The following ACSM2B variants were observed in gnomAD, a reference collection of about 807,000 sequenced individuals.
ACSM2B encodes the protein acyl-coenzyme A synthetase ACSM2B, mitochondrial.
Under a neutral mutation model 78.6 loss-of-function variants are expected in ACSM2B, and 58 were observed. The ratio of observed to expected loss-of-function variants is 0.74; its 90% CI spans 0.60 to 0.92. ACSM2B has a LOEUF of 0.92. Ranked by LOEUF, ACSM2B falls within the 40% of genes least tolerant of loss-of-function variation. The probability of loss-of-function intolerance (pLI) is 0.00; values close to 1 mark genes in which losing one functional copy is unlikely to be tolerated. For synonymous variants in ACSM2B, 257 were observed against 256.8 expected (o/e 1.00, Z -0.01); for missense variants, 688 against 711.2 (o/e 0.97, Z 0.37).
At chr16:20,549,882 G>T (rs1449462349) in intron 6 of ACSM2B, 4 of 408,486 alleles carry the variant, frequency 9.8e-6, no homozygotes, top group East Asian at 7.6e-5. Flanking sequence ...TAAAGACCTG[G>T]GATCAATAGA....
At chr16:20,563,023 A>T (rs1362325850) in intron 2 of ACSM2B, among the ~76,000 whole-genome samples, 3 of 152,092 alleles carry the variant, frequency 2.0e-5, no homozygotes, top group African/African-American at 7.2e-5. Context: ...AGTAGCACCC[A>T]TTCCTTAGCC....
chr16:20,541,893 G>A (rs2152131716), intron 12 of ACSM2B: 1 of 152,320 alleles, frequency 6.6e-6, no homozygotes, highest in African/African-American at 2.4e-5. Context: ...ATCTTGGCCA[G>A]GCTGGTCTTG....
At chr16:20,574,030 T>G (rs2016173156) in intron 1 of ACSM2B, 1 of 152,080 alleles carries the variant, frequency 6.6e-6, no homozygotes, top group Non-Finnish European at 1.5e-5. Context: ...CTGAGGGTAC[T>G]GCAGGACACC....
intron 2 of ACSM2B, among the ~76,000 whole-genome samples, chr16:20,560,388 AG>A (rs1323172987): frequency 1.3e-5 from 2 of 151,916 alleles, no homozygotes; most frequent in Non-Finnish European, 2.9e-5. Context: ...GTGATAAATG[AG>A]ATCATAAGAT....
chr16:20,546,272 T>C (rs961232402), intron 9 of ACSM2B, 122 bp downstream of exon 9: 14 of 1,446,290 alleles, frequency 9.7e-6, no homozygotes, highest in Non-Finnish European at 1.3e-5. Flanking sequence ...GTCCCTTTTT[T>C]CTGATATTAT....
intron 1 of ACSM2B, among the ~76,000 whole-genome samples, chr16:20,568,861 G>A (rs2152148505): frequency 6.6e-6 from 1 of 151,778 alleles, no homozygotes; most frequent in Middle Eastern, 3.4e-3. Context: ...ATCTTCTTTT[G>A]AGAATTGTCT....
chr16:20,537,167 A>G lies in ACSM2B; in HGVS notation c.*91T>C. 18 of 1,449,084 alleles carry G rather than the reference A, an allele frequency of 1.2e-5. No individual in the cohort carries two copies. Among genetic ancestry groups the G allele is most frequent in the Non-Finnish European group, 1.7e-5 (18 of 1,048,594 alleles). The allele number at this position is 1,449,084 out of a possible 1,614,324, so 89.8% of individuals were successfully genotyped here. On this transcript the variant is annotated 3_prime_UTR_variant, in exon 14 of 14. Transcript: ENST00000329697. ...AACTTACATTCATGTTCTTTCATAA[A>G]GAATCTCATATCATCATAGTAAGGC...
At chr16:20,568,391 C>T (rs1365454609) in intron 1 of ACSM2B, among the ~76,000 whole-genome samples, 1 of 143,920 alleles carries the variant, frequency 6.9e-6, no homozygotes, top group African/African-American at 2.5e-5. Flanking sequence ...ATAAACTATA[C>T]TACTATATAT....
intron 6 of ACSM2B, 60 bp downstream of exon 6, chr16:20,552,084 T>G: frequency 6.5e-7 from 1 of 1,526,814 alleles, no homozygotes; most frequent in Admixed American, 2.1e-5. Context: ...TACAAAAAAT[T>G]GAAGTGTGCA....
intron 8 of ACSM2B, chr16:20,547,056 G>A (rs2015163988): frequency 7.7e-6 from 7 of 906,316 alleles, no homozygotes; most frequent in Non-Finnish European, 9.6e-6. Flanking sequence ...AGTGGTGGAT[G>A]CCTCACTGAC....
Position 20,536,776 on chromosome 16 carries a change from CCTCT to C in ACSM2B, c.*478_*481del, listed in dbSNP as rs1161376519. ...TACAATTTTTTTCTCTCCCTTTCTC[CCTCT>C]CTTTCTCCCTCTCTTTCTTTCTTGT... On this transcript the variant is annotated 3_prime_UTR_variant, in exon 14 of 14. Transcript: ENST00000329697. The C allele has an allele frequency of 1.4e-5, 2 of 147,366 alleles. No homozygotes were observed. The highest frequency in any genetic ancestry group is 3.0e-5 in the Non-Finnish European group (2 of 66,586). 9.1% of individuals were successfully genotyped at this position (147,366 alleles called of 1,614,324 possible).
At chr16:20,554,017 G>C (rs531417910) in intron 4 of ACSM2B, 97 bp from the exon 5 acceptor site, 1 of 1,439,122 alleles carries the variant, frequency 6.9e-7, no homozygotes, top group African/African-American at 1.4e-5. Flanking sequence ...GCTGAAAAGG[G>C]CAAGTTGATG....
rs371900959 is a variant in ACSM2B at position 20,559,426 on chromosome 16, G to C, written c.199C>G (p.Pro67Ala). The C allele has an allele frequency of 6.2e-7, 1 of 1,612,888 alleles. No individual in the cohort carries two copies. Among genetic ancestry groups the C allele is most frequent in the African/African-American group, 1.3e-5 (1 of 74,718 alleles). ...MEKAGKRLPSPALWWVNGKGK... is the reference protein window; with the variant it reads ...MEKAGKRLPSAALWWVNGKGK... The stretch of plus-strand genomic sequence containing the variant: ...TTCCCATTCACCCACCACAGGGCTG[G>C]GCTTGGGAGTCGCTTGCCAGCCTGA... The change falls in exon 3 of 14, where the codon CCA becomes GCA. Residue 67 changes from proline to alanine, a missense_variant. Physicochemically the swap from Pro to Ala is conservative, Grantham distance 27. Coordinates refer to ENST00000329697, the MANE Select transcript of ACSM2B (RefSeq NM_001105069.2).
chr16:20,552,525 A>G lies in ACSM2B; in HGVS notation c.741-228T>C, dbSNP rs371915232. Among the ~76,000 whole-genome samples, 930 of 152,058 alleles carry G rather than the reference A, an allele frequency of 6.1e-3. 12 individuals carry two copies. Among genetic ancestry groups the G allele is most frequent in the South Asian group, 0.029 (140 of 4,770 alleles). On this transcript the variant is annotated intron_variant, in intron 5 of 13. Transcript: ENST00000329697. ...ATGAATGTTCGGAAGGTGGGACCCC[A>G]GTTGACATGACTTAATATATAATTG...
intron 1 of ACSM2B, among the ~76,000 whole-genome samples, chr16:20,571,078 T>G (rs532673201): frequency 6.6e-6 from 1 of 152,056 alleles, no homozygotes; most frequent in East Asian, 1.9e-4. Flanking sequence ...TTAGTTCTGC[T>G]CTGATCTTGG....
At chr16:20,560,643 C>G (rs2152142285) in intron 2 of ACSM2B, among the ~76,000 whole-genome samples, 1 of 152,028 alleles carries the variant, frequency 6.6e-6, no homozygotes, top group Admixed American at 6.5e-5. Context: ...CAGTCCGATA[C>G]AGAAAATTGG....
At chr16:20,571,449 C>G (rs1283773873) in intron 1 of ACSM2B, among the ~76,000 whole-genome samples, 1 of 151,824 alleles carries the variant, frequency 6.6e-6, no homozygotes, top group Admixed American at 6.6e-5. Context: ...GATATAATTT[C>G]ACTTTTCTCA....
At chr16:20,545,615 T>C (rs943947636) in intron 9 of ACSM2B, among the ~76,000 whole-genome samples, 1 of 152,210 alleles carries the variant, frequency 6.6e-6, no homozygotes, top group African/African-American at 2.4e-5. Context: ...CCTTACTAGC[T>C]GACTTTGAAC....
Position 20,537,210 on chromosome 16 carries a change from A to G in ACSM2B, c.*48T>C, listed in dbSNP as rs767267373. 1.2e-6 allele frequency: 2 copies of G among 1,605,112 alleles called. No individual in the cohort carries two copies. Among genetic ancestry groups the G allele is most frequent in the South Asian group, 1.1e-5 (1 of 90,758 alleles). ...AGTAAGGCCAAGGGCCCAAAGGGAA[A>G]AGAAAGAGAAAGAAGAGGGGAATCC... On this transcript the variant is annotated 3_prime_UTR_variant, in exon 14 of 14. Transcript: ENST00000329697.
Sources: allele counts gnomAD v4.1 joint callset (sites outside exome capture counted in the v4.1 genomes callset), GRCh38; gene constraint gnomAD v4.1.1; transcripts MANE v1.5; gene names NCBI Gene and HGNC (gene_info 2026-07-23, HGNC 2026-07-21).